Variants in DLGAP1 observed in about 807,000 individuals in gnomAD.
The protein encoded by DLGAP1 is disks large-associated protein 1.
In DLGAP1, 11 loss-of-function variants were observed where a neutral mutation model predicts 90.8. The ratio of observed to expected loss-of-function variants is 0.12; its 90% CI spans 0.08 to 0.20. DLGAP1 has a LOEUF of 0.20. Among genes scored for constraint, DLGAP1 ranks in the 10% least tolerant of loss-of-function variants. The pLI, the probability that DLGAP1 is intolerant of heterozygous loss-of-function variation, is 1.00. For synonymous variants in DLGAP1, 558 were observed against 540.7 expected (o/e 1.03, Z -0.44); for missense variants, 1,050 against 1,333.8 (o/e 0.79, Z 3.31).
rs531924454 is a variant in DLGAP1 at position 4,326,063 on chromosome 18, A to C, written c.-267+128943T>G. Among the ~76,000 whole-genome samples the C allele has an allele frequency of 1.1e-3, 171 of 152,280 alleles. 1 individual carries two copies. Among genetic ancestry groups the C allele is most frequent in the African/African-American group, 4.0e-3 (165 of 41,556 alleles). Reference sequence around the variant, plus strand: ...TACATTACAAAGAAACTATCAACACAGTAAACAGACAATCTACATAATGGG... The same window carrying C: ...TACATTACAAAGAAACTATCAACACCGTAAACAGACAATCTACATAATGGG... On this transcript the variant is annotated intron_variant, in intron 1 of 12. Transcript: ENST00000315677.
chr18:3,988,853 C>T (rs1258038014), intron 3 of DLGAP1, among the ~76,000 whole-genome samples: 2 of 152,180 alleles, frequency 1.3e-5, no homozygotes, highest in South Asian at 2.1e-4. Flanking sequence ...AATGCCAGTC[C>T]GCGGCTGTGG....
chr18:4,357,936 G>A (rs1157277560), intron 1 of DLGAP1, among the ~76,000 whole-genome samples: 2 of 152,238 alleles, frequency 1.3e-5, no homozygotes, highest in African/African-American at 4.8e-5. Context: ...GAGCCCCAGT[G>A]TAATCAGCAC....
At chr18:4,273,143 T>C (rs1254126629) in intron 1 of DLGAP1, among the ~76,000 whole-genome samples, 2 of 152,214 alleles carry the variant, frequency 1.3e-5, no homozygotes, top group Non-Finnish European at 2.9e-5. Context: ...AATTTGTTAC[T>C]GCAGCCTCCA....
At chr18:3,913,273 G>A (rs1356827881) in intron 3 of DLGAP1, among the ~76,000 whole-genome samples, 1 of 151,764 alleles carries the variant, frequency 6.6e-6, no homozygotes, top group Admixed American at 6.6e-5. Context: ...AAATTTTTTT[G>A]TTTTGAGGGG....
At chr18:4,368,636 TAC>T (rs55840615) in intron 1 of DLGAP1, among the ~76,000 whole-genome samples, 14,523 of 134,754 alleles carry the variant, frequency 0.11, 814 homozygotes, top group African/African-American at 0.15. Flanking sequence ...CTCTCTCTCA[TAC>T]ACACACACAC....
At chr18:3,854,459 G>A (rs1294843056) in intron 4 of DLGAP1, among the ~76,000 whole-genome samples, 1 of 152,178 alleles carries the variant, frequency 6.6e-6, no homozygotes, top group Non-Finnish European at 1.5e-5. Flanking sequence ...TAATTCAAAT[G>A]ACACTTTTAG....
chr18:3,515,517 G>A (rs1260518851), intron 10 of DLGAP1, among the ~76,000 whole-genome samples: 1 of 142,922 alleles, frequency 7.0e-6, no homozygotes, highest in African/African-American at 2.6e-5. Context: ...GGTGGCTCAC[G>A]CCTGTAATCC....
chr18:3,690,454 C>G (rs1350101145), intron 7 of DLGAP1, among the ~76,000 whole-genome samples: 1 of 152,012 alleles, frequency 6.6e-6, no homozygotes, highest in South Asian at 2.1e-4. Context: ...CCTGAAAAAG[C>G]CTTTGGGGAT....
At chr18:4,025,469 C>CAG (rs1187675368) in intron 2 of DLGAP1, among the ~76,000 whole-genome samples, 1 of 152,118 alleles carries the variant, frequency 6.6e-6, no homozygotes, top group Non-Finnish European at 1.5e-5. Flanking sequence ...CCAAGCATCT[C>CAG]AGATAAGGGA....
Position 4,252,790 on chromosome 18 carries a change from A to AG in DLGAP1, c.-266-101504_-266-101503insC, listed in dbSNP as rs146242642. ...AAGAGAACATTGCCCCAGATGTCAG[A>AG]TTATTTATCGCCACAGAGCTGAACA... On this transcript the variant is annotated intron_variant, in intron 1 of 12. Transcript: ENST00000315677. 4.0e-3 allele frequency among the ~76,000 whole-genome samples: 609 copies of AG among 152,350 alleles called. 7 individuals are homozygous for AG. The highest frequency in any genetic ancestry group is 0.014 in the African/African-American group (584 of 41,578).
chr18:3,898,060 C>T (rs911470320), intron 3 of DLGAP1, among the ~76,000 whole-genome samples: 6 of 152,134 alleles, frequency 3.9e-5, no homozygotes, highest in Non-Finnish European at 5.9e-5. Flanking sequence ...TCCCAAAGTG[C>T]TGGGATTACA....
At position 4,292,238 on chromosome 18, in the gene DLGAP1, T is replaced by C. The variant is rs1328561756; in HGVS notation, c.-266-140951A>G. On this transcript the variant is annotated intron_variant, in intron 1 of 12. Transcript: ENST00000315677. Reference sequence around the variant, plus strand: ...ATGGTCCAGAGTAATAAAAAATGAATCTGTTTACAAAAAAATTCCACTTTA... The same window carrying C: ...ATGGTCCAGAGTAATAAAAAATGAACCTGTTTACAAAAAAATTCCACTTTA... Among the ~76,000 whole-genome samples, 3 of 152,110 alleles carry C rather than the reference T, an allele frequency of 2.0e-5. No individual in the cohort carries two copies. In the East Asian group the frequency reaches 5.8e-4, roughly 29 times the overall value.
In DLGAP1 at chr18:3,711,212, A is replaced by C. The variant is rs182071143; in HGVS notation, c.1591+17923T>G. ...GCCAAGGGCATATCCTTGTTGTTTCAGGCATTTAAATCTGATAAGAACTTG... is the reference window on the plus strand; with the variant it reads ...GCCAAGGGCATATCCTTGTTGTTTCCGGCATTTAAATCTGATAAGAACTTG... On this transcript the variant is annotated intron_variant, in intron 7 of 12. Coordinates refer to ENST00000315677, the MANE Select transcript of DLGAP1 (RefSeq NM_004746.4). This position sits in a 1 kb window ranked among gnomAD's most constrained non-coding sequence, Gnocchi z 4.0. Among the ~76,000 whole-genome samples the C allele has an allele frequency of 1.8e-3, 271 of 152,342 alleles. 1 individual carries two copies. The highest frequency in any genetic ancestry group is 6.2e-3 in the African/African-American group (258 of 41,578).
At chr18:4,111,561 T>C (rs1409488507) in intron 2 of DLGAP1, among the ~76,000 whole-genome samples, 3 of 152,312 alleles carry the variant, frequency 2.0e-5, no homozygotes, top group African/African-American at 7.2e-5. Context: ...CTATGGATTT[T>C]CTTTATGGAA....
intron 7 of DLGAP1, among the ~76,000 whole-genome samples, chr18:3,600,732 A>ATCTATAGC (rs1568277439): frequency 2.1e-4 from 7 of 33,964 alleles, no homozygotes; most frequent in African/African-American, 8.7e-4. Context: ...AGATATAGAT[A>ATCTATAGC]TATATAGATA....
intron 1 of DLGAP1, among the ~76,000 whole-genome samples, chr18:4,217,671 T>A (rs937424027): frequency 6.6e-6 from 1 of 152,126 alleles, no homozygotes; most frequent in Non-Finnish European, 1.5e-5. Flanking sequence ...TTTGGTGAGA[T>A]GTCTGTTCAG....
Position 3,534,434 on chromosome 18 carries a change from GGTTTCCTGA to G in DLGAP1, c.2230_2238del (p.Ser744_Asn746del). 1 of 1,614,182 alleles carries G rather than the reference GGTTTCCTGA, an allele frequency of 6.2e-7. No homozygotes were observed. The highest frequency in any genetic ancestry group is 8.5e-7 in the Non-Finnish European group (1 of 1,180,036). On this transcript the variant is annotated inframe_deletion, in exon 10 of 13. Transcript: ENST00000315677. The stretch of plus-strand genomic sequence containing the variant: ...TCATCGGCGGCACAGGCATGGTAAT[GGTTTCCTGA>G]GCCCTGAATGCTGACTGTGGAGGTG...
chr18:3,708,094 C>A (rs2061492824), intron 7 of DLGAP1, among the ~76,000 whole-genome samples: 1 of 151,952 alleles, frequency 6.6e-6, no homozygotes, highest in African/African-American at 2.4e-5. Flanking sequence ...CAACCTCCAC[C>A]TCCGGGGCTC....
At chr18:4,252,967 A>G (rs2078813724) in intron 1 of DLGAP1, among the ~76,000 whole-genome samples, 1 of 152,206 alleles carries the variant, frequency 6.6e-6, no homozygotes, top group South Asian at 2.1e-4. Context: ...TTAAAGTACC[A>G]TATCAGCTAA....
Sources: allele counts gnomAD v4.1 joint callset (sites outside exome capture counted in the v4.1 genomes callset), GRCh38; gene constraint gnomAD v4.1.1; non-coding constraint Gnocchi (gnomAD v3.1); transcripts MANE v1.5; gene names NCBI Gene and HGNC (gene_info 2026-07-23, HGNC 2026-07-21).